ZNF41: variants seen among roughly 807,000 people sequenced by gnomAD.
ZNF41 encodes the protein zinc finger protein 41.
ZNF41 carries 6 observed loss-of-function variants against 9.3 expected under a neutral mutation model. That is an observed-to-expected ratio of 0.65 (90% confidence interval 0.35 to 1.28). The LOEUF is 1.28. Ranked by LOEUF, ZNF41 falls within the 50% of genes most tolerant of loss-of-function variation. The probability of loss-of-function intolerance (pLI) is 0.03; values close to 1 mark genes in which losing one functional copy is unlikely to be tolerated. For synonymous variants in ZNF41, 192 were observed against 207.1 expected (o/e 0.93, Z 0.63); for missense variants, 523 against 585.8 (o/e 0.89, Z 1.11).
chrX:47,478,150 G>T (rs775683859), intron 1 of ZNF41, among the ~76,000 whole-genome samples: 1 of 111,914 alleles, frequency 8.9e-6, no homozygotes, highest in Admixed American at 9.5e-5. Flanking sequence ...CAAGAGGGAA[G>T]TTCTAGAGAT....
chrX:47,460,205 C>T (rs1228801912), intron 2 of ZNF41, among the ~76,000 whole-genome samples: 1 of 112,116 alleles, frequency 8.9e-6, no homozygotes, highest in Non-Finnish European at 1.9e-5. Context: ...GTGGAGGCTG[C>T]AGTGAACCAT....
At chrX:47,476,795 G>A (rs1408851038) in intron 1 of ZNF41, 1 of 108,540 alleles carries the variant, frequency 9.2e-6, no homozygotes, top group Non-Finnish European at 1.9e-5. Flanking sequence ...AGTGGCTTAT[G>A]CCTGTAATCC....
At chrX:47,456,119 C>A in intron 3 of ZNF41, 103 bp from the exon 4 acceptor site, 1 of 1,073,997 alleles carries the variant, frequency 9.3e-7, no homozygotes, top group Non-Finnish European at 1.3e-6. Flanking sequence ...ACACATTTCA[C>A]TGGGAACAGA....
At position 47,447,132 on chromosome X, in the gene ZNF41, A is replaced by T. The variant is rs1456388125; in HGVS notation, c.*298T>A. 1 of 331,103 alleles carries T rather than the reference A, an allele frequency of 3.0e-6. No individual in the cohort carries two copies. Among genetic ancestry groups the T allele is most frequent in the Admixed American group, 5.0e-5 (1 of 20,006 alleles). 27.3% of individuals were successfully genotyped at this position (331,103 alleles called of 1,213,427 possible). On this transcript the variant is annotated 3_prime_UTR_variant, in exon 5 of 5. Coordinates refer to ENST00000684689, the MANE Select transcript of ZNF41 (RefSeq NM_001324144.2). Reference sequence around the variant, plus strand: ...AGTCATCTCCTCAGGTCTTAATTCTACTATTTCCAGGAGCTCAAGAGGTCT... The same window carrying T: ...AGTCATCTCCTCAGGTCTTAATTCTTCTATTTCCAGGAGCTCAAGAGGTCT...
chrX:47,474,863 G>C (rs1264948296), intron 1 of ZNF41, among the ~76,000 whole-genome samples: 1 of 97,718 alleles, frequency 1.0e-5, no homozygotes. Flanking sequence ...GAGCAACACA[G>C]TGAGAACCTG....
Position 47,467,615 on chromosome X carries a change from C to T in ZNF41, c.-134G>A. 3 of 758,476 alleles carry T rather than the reference C, an allele frequency of 4.0e-6. No individual in the cohort carries two copies. Among genetic ancestry groups the T allele is most frequent in the Non-Finnish European group, 5.8e-6 (3 of 520,386 alleles). The allele number at this position is 758,476 out of a possible 1,213,427, so 62.5% of individuals were successfully genotyped here. The stretch of plus-strand genomic sequence containing the variant: ...GCAAGCAGGGGTCAGAAGGAAGATC[C>T]TGCAGTTTCCACTAAGAAGCCTGGC... On this transcript the variant is annotated 5_prime_UTR_variant, in exon 2 of 5. Coordinates refer to ENST00000684689, the MANE Select transcript of ZNF41 (RefSeq NM_001324144.2).
Position 47,457,283 on chromosome X carries a change from G to A in ZNF41, c.73-885C>T, listed in dbSNP as rs772652602. Among the ~76,000 whole-genome samples, 18 of 110,735 alleles carry A rather than the reference G, an allele frequency of 1.6e-4. No individual in the cohort carries two copies. In the South Asian group the frequency reaches 3.9e-3, roughly 24 times the overall value. ...AAGTTAGCTGGGCGTGGTGGCGCAC[G>A]CCCGTAATCCCAGCTACTTGAGAGG... On this transcript the variant is annotated intron_variant, in intron 2 of 4. Coordinates refer to ENST00000684689, the MANE Select transcript of ZNF41 (RefSeq NM_001324144.2).
intron 1 of ZNF41, among the ~76,000 whole-genome samples, chrX:47,468,592 C>A (rs1407913692): frequency 9.0e-6 from 1 of 111,031 alleles, no homozygotes; most frequent in Non-Finnish European, 1.9e-5. Flanking sequence ...GGCAGCACAC[C>A]ATCAATAGGA....
At chrX:47,474,589 T>C (rs2057281027) in intron 1 of ZNF41, among the ~76,000 whole-genome samples, 1 of 109,518 alleles carries the variant, frequency 9.1e-6, no homozygotes, top group South Asian at 3.8e-4. Context: ...GTAAAGACTA[T>C]AAAAGGTCTG....
intron 4 of ZNF41, 130 bp from the exon 5 acceptor site, chrX:47,449,604 G>A: frequency 1.4e-6 from 1 of 712,345 alleles, no homozygotes; most frequent in Non-Finnish European, 2.1e-6. Context: ...TAGTAATAAT[G>A]TAGCAACACA....
chrX:47,482,794 G>A (rs922861198), intron 1 of ZNF41: 1 of 113,008 alleles, frequency 8.8e-6, no homozygotes, highest in East Asian at 2.8e-4. Flanking sequence ...CAGTGGCCGA[G>A]GCACTGGGCC....
chrX:47,476,599 A>G (rs770956785), intron 1 of ZNF41, among the ~76,000 whole-genome samples: 20 of 111,496 alleles, frequency 1.8e-4, no homozygotes, highest in African/African-American at 6.5e-4. Context: ...AGAGAAATGG[A>G]AATCAAAACC....
chrX:47,455,568 G>A (rs1003527417), intron 4 of ZNF41, among the ~76,000 whole-genome samples: 3 of 111,345 alleles, frequency 2.7e-5, no homozygotes, highest in African/African-American at 9.8e-5. Flanking sequence ...CTGGGCCACA[G>A]AAATTTTAAA....
intron 2 of ZNF41, among the ~76,000 whole-genome samples, chrX:47,461,193 G>GT (rs2056777180): frequency 9.5e-6 from 1 of 105,351 alleles, no homozygotes; most frequent in Non-Finnish European, 1.9e-5. Flanking sequence ...TACCTCCCGG[G>GT]TTCAAGTGAT....
chrX:47,458,544 C>T (rs772514467), intron 2 of ZNF41, among the ~76,000 whole-genome samples: 26 of 111,829 alleles, frequency 2.3e-4, no homozygotes, highest in African/African-American at 7.8e-4. Flanking sequence ...AATGCCATCC[C>T]AATTGAAATC....
chrX:47,458,547 T>C (rs2056656143), intron 2 of ZNF41, among the ~76,000 whole-genome samples: 1 of 111,967 alleles, frequency 8.9e-6, no homozygotes, highest in African/African-American at 3.2e-5. Context: ...GCCATCCCAA[T>C]TGAAATCACA....
intron 2 of ZNF41, among the ~76,000 whole-genome samples, chrX:47,465,779 C>T (rs2056962127): frequency 9.1e-6 from 1 of 110,189 alleles, no homozygotes; most frequent in Admixed American, 9.8e-5. Context: ...TGCACTCTAG[C>T]CTGGGCAACA....
rs1160891491 is a variant in ZNF41, at chrX:47,447,672, A to G, written c.2098T>C (p.Phe700Leu). 2 of 1,209,921 alleles carry G rather than the reference A, an allele frequency of 1.7e-6. No individual in the cohort carries two copies. The highest frequency in any genetic ancestry group is 3.5e-5 in the African/African-American group (2 of 57,184). The stretch of plus-strand genomic sequence containing the variant: ...ATATTGAGGCGTGACTTCCAGGTGA[A>G]GGTTTTCCCGCAGTCACCACATTCA... Reference protein sequence around the residue: ...PYECGDCGKTFTWKSRLNIHQ... With the variant: ...PYECGDCGKTLTWKSRLNIHQ... Residue 700 changes from phenylalanine to leucine, a missense_variant, in exon 5 of 5, where the codon TTC (phenylalanine) becomes CTC (leucine). Transcript: ENST00000684689.
chrX:47,470,727 C>CAA (rs11352103), intron 1 of ZNF41, among the ~76,000 whole-genome samples: 1 of 83,159 alleles, frequency 1.2e-5, no homozygotes, highest in Non-Finnish European at 2.4e-5. Context: ...GACTCTATTT[C>CAA]AAAAAAAAAA....
Sources: allele counts gnomAD v4.1 joint callset (sites outside exome capture counted in the v4.1 genomes callset), GRCh38; gene constraint gnomAD v4.1.1; transcripts MANE v1.5; gene names NCBI Gene and HGNC (gene_info 2026-07-23, HGNC 2026-07-21).